MUC13: variants seen among roughly 807,000 people sequenced by gnomAD.
MUC13 encodes mucin 13, cell surface associated.
A neutral mutation model predicts 48.3 loss-of-function variants in MUC13; 32 were observed. The observed-to-expected ratio is 0.66, with a 90% confidence interval of 0.50 to 0.89. The LOEUF is 0.89. Among genes scored for constraint, MUC13 ranks in the 40% least tolerant of loss-of-function variants. The pLI is 0.00. For synonymous variants in MUC13, 199 were observed against 224.9 expected (o/e 0.88, Z 1.03); for missense variants, 571 against 622.8 (o/e 0.92, Z 0.88).
In MUC13 at chr3:124,913,582, G is replaced by A; in HGVS notation, c.1064C>T (p.Pro355Leu). 6.2e-7 allele frequency: 1 copy of A among 1,614,210 alleles called. No individual in the cohort carries two copies. Among genetic ancestry groups the A allele is most frequent in the Non-Finnish European group, 8.5e-7 (1 of 1,180,034 alleles). The change falls in exon 7 of 12, where the codon CCA becomes CTA. Residue 355 changes from proline to leucine, a missense_variant. By Grantham distance (98) the Pro-to-Leu change is moderately conservative. Coordinates refer to ENST00000616727, the MANE Select transcript of MUC13 (RefSeq NM_033049.4). Reference protein sequence around the residue: ...DCKSDLQRPNPQSPFCVASSL... With the variant: ...DCKSDLQRPNLQSPFCVASSL... The stretch of plus-strand genomic sequence containing the variant: ...CTTACCAACGCAGAAAGGGCTCTGT[G>A]GGTTAGGCCTTTGCAGGTCAGATTT...
intron 11 of MUC13, 114 bp downstream of exon 11, chr3:124,908,033 A>C (rs992666080): frequency 2.0e-6 from 2 of 1,004,190 alleles, no homozygotes; most frequent in Non-Finnish European, 2.9e-6. Flanking sequence ...TCAATTAAGA[A>C]AAAGAAAAAG....
chr3:124,911,227 G>A (rs1209084215), intron 9 of MUC13, among the ~76,000 whole-genome samples: 1 of 152,112 alleles, frequency 6.6e-6, no homozygotes, highest in Non-Finnish European at 1.5e-5. Flanking sequence ...CAAATGAAAT[G>A]TGTAGCTCAC....
chr3:124,931,748 C>T (rs554795162), intron 1 of MUC13, among the ~76,000 whole-genome samples: 34 of 135,974 alleles, frequency 2.5e-4, no homozygotes, highest in Admixed American at 2.3e-3. Flanking sequence ...AACTCCATCT[C>T]AAAAAGTAAT....
intron 5 of MUC13, among the ~76,000 whole-genome samples, chr3:124,917,054 C>T (rs1465332417): frequency 3.9e-5 from 6 of 151,954 alleles, no homozygotes; most frequent in African/African-American, 7.3e-5. Flanking sequence ...CAAAGAGGGC[C>T]GGGGCTGCGG....
chr3:124,908,400 A>G, intron 10 of MUC13, 52 bp from the exon 11 acceptor site: 1 of 1,366,320 alleles, frequency 7.3e-7, no homozygotes, highest in Non-Finnish European at 1.0e-6. Flanking sequence ...AGTTTCTTGA[A>G]GTAAATGTTA....
chr3:124,924,421 C>A (rs1469713288), intron 2 of MUC13, among the ~76,000 whole-genome samples: 1 of 152,188 alleles, frequency 6.6e-6, no homozygotes, highest in Non-Finnish European at 1.5e-5. Flanking sequence ...GTTTTCTTCA[C>A]TTCTGTCAAG....
chr3:124,922,327 T>C, intron 3 of MUC13, 24 bp from the exon 4 acceptor site: 3 of 1,604,954 alleles, frequency 1.9e-6, no homozygotes, highest in Non-Finnish European at 2.5e-6. Context: ...AGAATCTTTC[T>C]GTACTATTTG....
rs779061470 is a variant in MUC13 at position 124,927,922 on chromosome 3, C to A, written c.124G>T (p.Ala42Ser). The A allele has an allele frequency of 1.3e-5, 21 of 1,606,646 alleles. No individual in the cohort carries two copies. The highest frequency in any genetic ancestry group is 2.7e-5 in the African/African-American group (2 of 74,864). Residue 42 changes from alanine (A) to serine (S), a missense_variant, in exon 2 of 12, where the codon GCA (alanine) becomes TCA (serine). Coordinates refer to ENST00000616727, the MANE Select transcript of MUC13 (RefSeq NM_033049.4). Reference sequence around the variant, plus strand: ...AAATTAGTTTCAGTGGTATCAGCTGCAGCTACTGTAGGACCACTAGTCGCA... The same window carrying A: ...AAATTAGTTTCAGTGGTATCAGCTGAAGCTACTGTAGGACCACTAGTCGCA... ...ETATSGPTVA[A>S]ADTTETNFPE...
In MUC13 at chr3:124,923,638, G is replaced by A; in HGVS notation, c.526C>T (p.Pro176Ser). 1 of 1,613,312 alleles carries A rather than the reference G, an allele frequency of 6.2e-7. No homozygotes were observed. Among genetic ancestry groups the A allele is most frequent in the Non-Finnish European group, 8.5e-7 (1 of 1,179,750 alleles). The change falls in exon 3 of 12, where the codon CCT (proline) becomes TCT (serine). Residue 176 changes from proline (P) to serine (S), a missense_variant. Transcript: ENST00000616727. ...TCTGCACAGGGATCATCTTGGCAAG[G>A]ATTGCTGGGACCTTAGATGGAGTAG... ...STLNSTGPSN[P>S]CQDDPCADNS...
rs755015087 is a variant in MUC13, at chr3:124,928,033, T to C, written c.53-40A>G. ...ATACCAAGTTTGAGGAGACAGTACA[T>C]TGAATAACTAATGGCAGTTACTTAA... On this transcript the variant is annotated intron_variant, in intron 1 of 11. Coordinates refer to ENST00000616727, the MANE Select transcript of MUC13 (RefSeq NM_033049.4). The C allele has an allele frequency of 8.0e-6, 11 of 1,375,342 alleles. 1 individual carries two copies. The South Asian group carries it at 9.7e-5, about 12-fold the overall frequency. The allele number at this position is 1,375,342 out of a possible 1,614,324, so 85.2% of individuals were successfully genotyped here. A position where few individuals can be genotyped will look rare whatever the true frequency, so the allele number is the denominator to read the frequency against.
chr3:124,913,314 G>C (rs1935456895), intron 7 of MUC13, 74 bp from the exon 8 acceptor site: 2 of 1,560,322 alleles, frequency 1.3e-6, no homozygotes, highest in South Asian at 1.2e-5. Flanking sequence ...GTGACAACAT[G>C]ACAGTGTCTT....
At chr3:124,929,061 C>T (rs956136714) in intron 1 of MUC13, among the ~76,000 whole-genome samples, 5 of 152,148 alleles carry the variant, frequency 3.3e-5, no homozygotes, top group African/African-American at 9.7e-5. Context: ...GATCTTTGCC[C>T]TCTGAGCTAT....
intron 1 of MUC13, among the ~76,000 whole-genome samples, chr3:124,931,313 C>G (rs965826705): frequency 6.6e-6 from 1 of 151,936 alleles, no homozygotes; most frequent in Admixed American, 6.6e-5. Context: ...CGCCTGTAGT[C>G]CCAACTACTT....
At position 124,927,902 on chromosome 3, in the gene MUC13, A is replaced by G. The variant is rs527762707; in HGVS notation, c.144T>C (p.Thr48=). 15 of 1,613,098 alleles carry G rather than the reference A, an allele frequency of 9.3e-6. No homozygotes were observed. In the South Asian group the frequency reaches 1.4e-4, roughly 15 times the overall value. ...PTVAAADTTE[T]NFPETASTTA... is the part of the protein sequence containing the mutation. ...TGGTGCTAGCAGTTTCAGGGAAATT[A>G]GTTTCAGTGGTATCAGCTGCAGCTA... Residue 48 remains threonine, a synonymous_variant, in exon 2 of 12, where the codon ACT becomes ACC. Coordinates refer to ENST00000616727, the MANE Select transcript of MUC13 (RefSeq NM_033049.4).
chr3:124,907,387 G>A (rs1045754965), intron 11 of MUC13, among the ~76,000 whole-genome samples: 2 of 152,116 alleles, frequency 1.3e-5, no homozygotes, highest in Admixed American at 6.6e-5. Flanking sequence ...AGGACGAGGC[G>A]AGAGGATCAC....
At chr3:124,933,028 A>T (rs994549695) in intron 1 of MUC13, among the ~76,000 whole-genome samples, 1 of 152,048 alleles carries the variant, frequency 6.6e-6, no homozygotes, top group Non-Finnish European at 1.5e-5. Context: ...TACAAGCCTC[A>T]CCAATTCTTC....
chr3:124,920,215 T>C lies in MUC13; in HGVS notation c.800+19A>G. The stretch of plus-strand genomic sequence containing the variant: ...GACAGACACACATCTGCCTCCAAAA[T>C]TGTCCATAACAAACTTACCTTACAG... On this transcript the variant is annotated intron_variant, in intron 5 of 11. Transcript: ENST00000616727. 1 of 1,598,156 alleles carries C rather than the reference T, an allele frequency of 6.3e-7. No homozygotes were observed. Among genetic ancestry groups the C allele is most frequent in the Non-Finnish European group, 8.5e-7 (1 of 1,169,598 alleles).
chr3:124,913,907 TA>T (rs747833702), intron 6 of MUC13, among the ~76,000 whole-genome samples: 18 of 152,070 alleles, frequency 1.2e-4, no homozygotes, highest in Non-Finnish European at 2.1e-4. Flanking sequence ...TGAAAATATT[TA>T]AAAGTTAGCT....
chr3:124,930,876 A>G (rs1935783675), intron 1 of MUC13, among the ~76,000 whole-genome samples: 2 of 152,234 alleles, frequency 1.3e-5, no homozygotes, highest in South Asian at 2.1e-4. Context: ...CAGAGAAAGC[A>G]AAAACAACCT....
Sources: gnomAD v4.1 joint callset for allele counts (sites outside exome capture counted in the v4.1 genomes callset) on GRCh38, gnomAD v4.1.1 for gene constraint, MANE v1.5 for transcripts, NCBI Gene and HGNC (gene_info 2026-07-23, HGNC 2026-07-21) for gene names.